Variants in LRRC4C observed in about 807,000 individuals in gnomAD.
The protein encoded by LRRC4C is leucine rich repeat containing 4C.
A neutral mutation model predicts 33.6 loss-of-function variants in LRRC4C; 5 were observed. The ratio of observed to expected loss-of-function variants is 0.15; its 90% confidence interval spans 0.08 to 0.31. LRRC4C has a LOEUF of 0.31. Among genes scored for constraint, LRRC4C ranks in the 10% least tolerant of loss-of-function variants. The probability of loss-of-function intolerance (pLI) is 1.00; values close to 1 mark genes in which losing one functional copy is unlikely to be tolerated. For missense variants in LRRC4C, 560 were observed against 796.7 expected, an observed-to-expected ratio of 0.70 and a Z score of 3.58; for synonymous variants, 329 against 302.0, an observed-to-expected ratio of 1.09 and a Z score of -0.93.
intron 2 of LRRC4C, among the ~76,000 whole-genome samples, chr11:40,763,755 A>G (rs563573523): frequency 6.6e-6 from 1 of 152,176 alleles, no homozygotes; most frequent in African/African-American, 2.4e-5. Context: ...TCAAGGGGGG[A>G]GCATTTAGAC....
At chr11:41,115,751 C>T (rs902822894) in intron 1 of LRRC4C, among the ~76,000 whole-genome samples, 8 of 152,024 alleles carry the variant, frequency 5.3e-5, no homozygotes, top group African/African-American at 9.7e-5. Context: ...AGGATCTCCC[C>T]GGATTGTGCA....
At chr11:40,835,588 G>T (rs1336896589) in intron 2 of LRRC4C, among the ~76,000 whole-genome samples, 1 of 152,062 alleles carries the variant, frequency 6.6e-6, no homozygotes, top group Non-Finnish European at 1.5e-5. Context: ...TAGAAAACAA[G>T]CCTAATTTTT....
intron 2 of LRRC4C, among the ~76,000 whole-genome samples, chr11:40,817,860 C>T (rs1212521871): frequency 2.0e-5 from 3 of 152,042 alleles, no homozygotes; most frequent in Non-Finnish European, 4.4e-5. Flanking sequence ...ATAAAGCTTC[C>T]TTCTATACTT....
chr11:41,309,496 A>G (rs1201182054), intron 1 of LRRC4C, among the ~76,000 whole-genome samples: 1 of 152,194 alleles, frequency 6.6e-6, no homozygotes, highest in Non-Finnish European at 1.5e-5. Context: ...TATACCCAGA[A>G]TATTTCCATT....
chr11:41,070,534 T>G (rs528201470), intron 1 of LRRC4C, among the ~76,000 whole-genome samples: 1 of 152,204 alleles, frequency 6.6e-6, no homozygotes, highest in East Asian at 1.9e-4. Flanking sequence ...AAAGGTCTAA[T>G]ATCCAGAATC....
At chr11:40,829,403 GC>G (rs1266190921) in intron 2 of LRRC4C, among the ~76,000 whole-genome samples, 1 of 151,950 alleles carries the variant, frequency 6.6e-6, no homozygotes, top group Non-Finnish European at 1.5e-5. Context: ...ATTCTGGATT[GC>G]TTTTGCAGAG....
intron 2 of LRRC4C, among the ~76,000 whole-genome samples, chr11:40,731,917 A>G (rs1471485808): frequency 5.9e-5 from 9 of 152,168 alleles, no homozygotes; most frequent in African/African-American, 2.2e-4. Context: ...ATGTTGCTAA[A>G]TATGTTGCTA....
chr11:40,571,466 A>G (rs1016510705), intron 3 of LRRC4C, among the ~76,000 whole-genome samples: 5 of 152,186 alleles, frequency 3.3e-5, no homozygotes, highest in African/African-American at 4.8e-5. Flanking sequence ...GAAAACTCTT[A>G]ATTCCCATCA....
intron 3 of LRRC4C, among the ~76,000 whole-genome samples, chr11:40,348,143 T>C (rs1947220680): frequency 6.6e-6 from 1 of 152,030 alleles, no homozygotes; most frequent in Non-Finnish European, 1.5e-5. Context: ...ACAGATTTAA[T>C]AATAATAATA....
intron 1 of LRRC4C, among the ~76,000 whole-genome samples, chr11:41,035,208 A>T: frequency 6.6e-6 from 1 of 150,680 alleles, no homozygotes; most frequent in South Asian, 2.1e-4. Context: ...TAAATACATA[A>T]ATAAATAAAT....
At chr11:41,320,829 T>C (rs1370955460) in intron 1 of LRRC4C, among the ~76,000 whole-genome samples, 1 of 152,172 alleles carries the variant, frequency 6.6e-6, no homozygotes, top group Non-Finnish European at 1.5e-5. Context: ...TCTGAGGCTC[T>C]GGGGAAGAAT....
chr11:41,242,271 A>G (rs1488080509), intron 1 of LRRC4C, among the ~76,000 whole-genome samples: 1 of 152,132 alleles, frequency 6.6e-6, no homozygotes, highest in Admixed American at 6.5e-5. Flanking sequence ...CCAGGGGACA[A>G]CCACGTTTTC....
intron 2 of LRRC4C, among the ~76,000 whole-genome samples, chr11:40,744,837 G>A (rs1486480788): frequency 1.3e-5 from 2 of 152,044 alleles, no homozygotes; most frequent in Non-Finnish European, 2.9e-5. Context: ...TTTTTTGGAA[G>A]GGTTTAAGTT....
At chr11:41,448,550 T>A (rs1405645346) in intron 1 of LRRC4C, among the ~76,000 whole-genome samples, 2 of 151,960 alleles carry the variant, frequency 1.3e-5, no homozygotes, top group Admixed American at 6.6e-5. Context: ...AGGTGATCCA[T>A]GTGCCTCCGC....
rs148688306 is a variant in LRRC4C, at chr11:40,978,933, C to CT, written c.-495-45211dup. Among the ~76,000 whole-genome samples the CT allele has an allele frequency of 2.4e-3, 358 of 152,136 alleles. 2 individuals are homozygous for CT. Among genetic ancestry groups the CT allele is most frequent in the African/African-American group, 8.2e-3 (342 of 41,516 alleles). On this transcript the variant is annotated intron_variant, in intron 1 of 6. Transcript: ENST00000528697. ...AGGGGTGAGCCATCATGCCTCATCT[C>CT]TTTTTCCTTTTTTGATTTCAGTTAT...
At chr11:40,856,212 C>G (rs1953774031) in intron 2 of LRRC4C, among the ~76,000 whole-genome samples, 1 of 152,062 alleles carries the variant, frequency 6.6e-6, no homozygotes, top group African/African-American at 2.4e-5. Flanking sequence ...ATTCTTAAAA[C>G]TGTGAAAATG....
At chr11:41,298,558 C>T (rs560025566) in intron 1 of LRRC4C, among the ~76,000 whole-genome samples, 7 of 152,128 alleles carry the variant, frequency 4.6e-5, no homozygotes, top group African/African-American at 1.2e-4. Context: ...AGTCTCTAAA[C>T]GTAGGGCCTA....
At chr11:40,913,247 AT>A (rs1161129184) in intron 2 of LRRC4C, among the ~76,000 whole-genome samples, 1 of 152,096 alleles carries the variant, frequency 6.6e-6, no homozygotes, top group Non-Finnish European at 1.5e-5. Flanking sequence ...AATATACATT[AT>A]TTTCAGCACC....
rs556045348 is a variant in LRRC4C at position 40,511,052 on chromosome 11, C to A, written c.-270+137090G>T. Among the ~76,000 whole-genome samples the A allele has an allele frequency of 2.6e-5, 4 of 152,144 alleles. No homozygotes were observed. The South Asian group carries it at 8.3e-4, about 32-fold the overall frequency. Reference sequence around the variant, plus strand: ...TTGAGGAGAAAAATCCTCTATTAAGCCTTATTGTAAGGTGTGCCTCTTAGG... The same window carrying A: ...TTGAGGAGAAAAATCCTCTATTAAGACTTATTGTAAGGTGTGCCTCTTAGG... On this transcript the variant is annotated intron_variant, in intron 3 of 6. Transcript: ENST00000528697.
Sources: gnomAD v4.1 joint callset for allele counts (sites outside exome capture counted in the v4.1 genomes callset) on GRCh38, gnomAD v4.1.1 for gene constraint, MANE v1.5 for transcripts, NCBI Gene and HGNC (gene_info 2026-07-23, HGNC 2026-07-21) for gene names.